Variants in GALNT13 observed in about 807,000 individuals in gnomAD.
The protein encoded by GALNT13 is polypeptide N-acetylgalactosaminyltransferase 13.
A neutral mutation model predicts 64.2 loss-of-function variants in GALNT13; 28 were observed. The ratio of observed to expected loss-of-function variants is 0.44; its 90% CI spans 0.32 to 0.60. The LOEUF is 0.60. Ranked by LOEUF, GALNT13 falls within the 20% of genes least tolerant of loss-of-function variation. The pLI, the probability that GALNT13 is intolerant of heterozygous loss-of-function variation, is 0.05. For synonymous variants in GALNT13, 214 were observed against 224.6 expected (o/e 0.95, Z 0.42); for missense variants, 577 against 669.8 (o/e 0.86, Z 1.53).
chr2:154,352,778 C>G (rs1039003158), intron 9 of GALNT13, among the ~76,000 whole-genome samples: 1 of 152,150 alleles, frequency 6.6e-6, no homozygotes, highest in Admixed American at 6.5e-5. Flanking sequence ...CTTAGGGTAC[C>G]TAGTCAGTGT....
the GALNT13 span, among the ~76,000 whole-genome samples, chr2:153,400,997 A>C: frequency 6.6e-6 from 1 of 150,634 alleles, no homozygotes; most frequent in Non-Finnish European, 1.5e-5. Context: ...TTGGTTTTCT[A>C]GTTCTTTTAA....
rs780790184 is a variant in GALNT13 at position 154,452,451 on chromosome 2, A to T, written c.*1900A>T. The stretch of plus-strand genomic sequence containing the variant: ...CTAAGGTAAAAAGACCCTGCACAGC[A>T]TTATTACTTAAGTTGAAAAAGCTTC... On this transcript the variant is annotated 3_prime_UTR_variant, in exon 13 of 13. Coordinates refer to ENST00000392825, the MANE Select transcript of GALNT13 (RefSeq NM_052917.4). 3 of 152,196 alleles carry T rather than the reference A, an allele frequency of 2.0e-5. No individual in the cohort carries two copies. Among genetic ancestry groups the T allele is most frequent in the East Asian group, 1.9e-4 (1 of 5,180 alleles). The allele number at this position is 152,196 out of a possible 1,614,324, so 9.4% of individuals were successfully genotyped here.
At chr2:154,278,176 G>A (rs188618136) in intron 8 of GALNT13, among the ~76,000 whole-genome samples, 154 of 152,030 alleles carry the variant, frequency 1.0e-3, no homozygotes, top group Non-Finnish European at 1.1e-3. Context: ...TTGCATTTGC[G>A]AAAAACATCA....
chr2:153,400,355 A>T, the GALNT13 span, among the ~76,000 whole-genome samples: 1 of 152,148 alleles, frequency 6.6e-6, no homozygotes, highest in African/African-American at 2.4e-5. Context: ...TTGTGCATCG[A>T]TGTTCTTCAA....
At chr2:153,488,080 G>A in the GALNT13 span, among the ~76,000 whole-genome samples, 1 of 152,200 alleles carries the variant, frequency 6.6e-6, no homozygotes, top group South Asian at 2.1e-4. Flanking sequence ...GCCAAAGGAA[G>A]GAGGTGGCTT....
chr2:153,431,005 C>A, the GALNT13 span, among the ~76,000 whole-genome samples: 4 of 151,894 alleles, frequency 2.6e-5, no homozygotes, highest in Non-Finnish European at 5.9e-5. Context: ...CAAAAATTAG[C>A]TGGGCATGGT....
chr2:153,305,930 C>A, the GALNT13 span, among the ~76,000 whole-genome samples: 1 of 152,154 alleles, frequency 6.6e-6, no homozygotes. Flanking sequence ...TTGATACTTC[C>A]CATAGGTTTT....
chr2:154,134,208 C>A (rs1043156600), intron 3 of GALNT13, among the ~76,000 whole-genome samples: 4 of 151,570 alleles, frequency 2.6e-5, no homozygotes, highest in Non-Finnish European at 5.9e-5. Context: ...TGATAACATG[C>A]AAAAAATGGA....
intron 4 of GALNT13, among the ~76,000 whole-genome samples, chr2:154,162,396 A>G (rs1684783628): frequency 6.6e-6 from 1 of 152,206 alleles, no homozygotes; most frequent in Admixed American, 6.5e-5. Flanking sequence ...TAACCAAAGT[A>G]AATTGCTTCA....
intron 4 of GALNT13, among the ~76,000 whole-genome samples, chr2:154,145,070 C>CTCTCTCTCTATCTA (rs1197890145): frequency 2.2e-5 from 3 of 136,234 alleles, no homozygotes; most frequent in Non-Finnish European, 4.7e-5. Context: ...CTCTCTCTCT[C>CTCTCTCTCTATCTA]TCTATCTATC....
At chr2:154,322,178 A>ATTCTG (rs1694662612) in intron 9 of GALNT13, among the ~76,000 whole-genome samples, 1 of 52,616 alleles carries the variant, frequency 1.9e-5, no homozygotes, top group Non-Finnish European at 3.8e-5. Context: ...TTTTTTTGGT[A>ATTCTG]TTCTGGGATA....
the GALNT13 span, among the ~76,000 whole-genome samples, chr2:153,401,071 A>G: frequency 2.9e-4 from 44 of 152,002 alleles, 1 homozygote; most frequent in South Asian, 9.1e-3. Context: ...TTAGTGCTAT[A>G]AATTTCCCTC....
chr2:154,354,738 G>A (rs1696631470), intron 9 of GALNT13, among the ~76,000 whole-genome samples: 1 of 151,544 alleles, frequency 6.6e-6, no homozygotes, highest in African/African-American at 2.4e-5. Context: ...ATAAATGTTT[G>A]GATTTATTTC....
the GALNT13 span, among the ~76,000 whole-genome samples, chr2:153,401,437 T>C: frequency 6.6e-6 from 1 of 151,078 alleles, no homozygotes; most frequent in Non-Finnish European, 1.5e-5. Context: ...AGATGTCTAT[T>C]AGGTCTGCTT....
At position 154,140,320 on chromosome 2, in the gene GALNT13, CTCTGTATG is replaced by C. The variant is rs746044975; in HGVS notation, c.143-13_143-6del. The C allele has an allele frequency of 3.8e-6, 6 of 1,599,424 alleles. No individual in the cohort carries two copies. Among genetic ancestry groups the C allele is most frequent in the Non-Finnish European group, 5.1e-6 (6 of 1,168,190 alleles). Reference sequence around the variant, plus strand: ...TGTGTGTTTGTATGTATGTCTGTATCTCTGTATGTCTTACAGCTGTTATTTCAAGAAAC... The same window carrying C: ...TGTGTGTTTGTATGTATGTCTGTATCTCTTACAGCTGTTATTTCAAGAAAC... On this transcript the variant is annotated splice_polypyrimidine_tract_variant and intron_variant, in intron 3 of 12. Transcript: ENST00000392825.
At chr2:154,048,283 G>A (rs1699391671) in intron 3 of GALNT13, among the ~76,000 whole-genome samples, 1 of 152,090 alleles carries the variant, frequency 6.6e-6, no homozygotes, top group Non-Finnish European at 1.5e-5. Context: ...TTAGGTGGGG[G>A]CCCACCTCCA....
At chr2:153,153,898 A>G in the GALNT13 span, among the ~76,000 whole-genome samples, 1 of 151,910 alleles carries the variant, frequency 6.6e-6, no homozygotes, top group South Asian at 2.1e-4. Flanking sequence ...TTGGTTCCTT[A>G]TGAATCTTAA....
At chr2:153,938,891 C>A (rs978529235) in intron 2 of GALNT13, among the ~76,000 whole-genome samples, 2 of 152,084 alleles carry the variant, frequency 1.3e-5, no homozygotes, top group African/African-American at 4.8e-5. Context: ...AGGACTTGCA[C>A]CCATGGATTT....
At chr2:154,234,333 A>G (rs1162455402) in intron 4 of GALNT13, among the ~76,000 whole-genome samples, 2 of 152,280 alleles carry the variant, frequency 1.3e-5, no homozygotes, top group South Asian at 2.1e-4. Context: ...TCATTCCATT[A>G]TAATTTCATA....
Sources: gnomAD v4.1 joint callset for allele counts (sites outside exome capture counted in the v4.1 genomes callset) on GRCh38, gnomAD v4.1.1 for gene constraint, MANE v1.5 for transcripts, NCBI Gene and HGNC (gene_info 2026-07-23, HGNC 2026-07-21) for gene names.